The following NFASC variants were observed in gnomAD, a reference collection of about 807,000 sequenced individuals.
NFASC encodes neurofascin homolog.
Under a neutral mutation model 147.5 loss-of-function variants are expected in NFASC, and 43 were observed. The observed-to-expected ratio is 0.29, with a 90% CI of 0.23 to 0.38. NFASC has a LOEUF of 0.38. Ranked by LOEUF, NFASC falls within the 10% of genes least tolerant of loss-of-function variation. The pLI is 1.00. For synonymous variants in NFASC, 622 were observed against 665.5 expected (o/e 0.93, Z 1.01); for missense variants, 1,320 against 1,689.0 (o/e 0.78, Z 3.83).
At chr1:204,955,290 T>A (rs2094373905) in intron 7 of NFASC, among the ~76,000 whole-genome samples, 1 of 152,182 alleles carries the variant, frequency 6.6e-6, no homozygotes, top group African/African-American at 2.4e-5. Flanking sequence ...CCAAAGTGCT[T>A]AGAACAGGGC....
intron 1 of NFASC, among the ~76,000 whole-genome samples, chr1:204,839,611 C>G (rs1674719217): frequency 6.6e-6 from 1 of 150,768 alleles, no homozygotes; most frequent in South Asian, 2.1e-4. Context: ...TATGGTTGGT[C>G]AGGCAGCTTG....
rs539650301 is a variant in NFASC at position 205,012,598 on chromosome 1, A to G, written c.3422-199A>G. On this transcript the variant is annotated intron_variant, in intron 28 of 29. Transcript: ENST00000339876. ...ATGTAAAGAGACCCCTGGGGCTGAGAAGGAGGAGGCAGAGTCAACTTGGCA... is the reference window on the plus strand; with the variant it reads ...ATGTAAAGAGACCCCTGGGGCTGAGGAGGAGGAGGCAGAGTCAACTTGGCA... 4.6e-5 allele frequency among the ~76,000 whole-genome samples: 7 copies of G among 152,208 alleles called. No individual in the cohort carries two copies. The South Asian group carries it at 6.2e-4, about 14-fold the overall frequency.
intron 1 of NFASC, among the ~76,000 whole-genome samples, chr1:204,891,445 G>T (rs1336170090): frequency 6.6e-6 from 1 of 152,124 alleles, no homozygotes; most frequent in African/African-American, 2.4e-5. Flanking sequence ...TGGGATCTCT[G>T]AATAGGTCCT....
intron 2 of NFASC, among the ~76,000 whole-genome samples, chr1:204,924,396 C>G (rs2091123005): frequency 6.6e-6 from 1 of 152,204 alleles, no homozygotes; most frequent in Admixed American, 6.5e-5. Context: ...AAAAATGCAA[C>G]CGGGGATGTG....
At chr1:204,944,472 G>GGGGGGGGGGGGGGGGC in intron 3 of NFASC, 66 bp downstream of exon 3, 1 of 402,580 alleles carries the variant, frequency 2.5e-6, no homozygotes, top group Non-Finnish European at 5.0e-6. Context: ...GGAGGGGAGG[G>GGGGGGGGGGGGGGGGC]AAGGTCAGAG....
intron 3 of NFASC, among the ~76,000 whole-genome samples, chr1:204,948,264 T>C (rs2093908141): frequency 6.6e-6 from 1 of 152,240 alleles, no homozygotes; most frequent in South Asian, 2.1e-4. Context: ...TTGGTCACCC[T>C]CATCCGTACA....
intron 1 of NFASC, among the ~76,000 whole-genome samples, chr1:204,895,524 C>A (rs949394509): frequency 6.6e-6 from 1 of 152,198 alleles, no homozygotes; most frequent in Non-Finnish European, 1.5e-5. Flanking sequence ...TACTCATTCA[C>A]CCCCTGATTT....
chr1:204,955,040 A>G (rs1359486160), intron 7 of NFASC, 89 bp downstream of exon 7: 2 of 1,518,764 alleles, frequency 1.3e-6, no homozygotes, highest in East Asian at 4.5e-5. Flanking sequence ...TGCCCAAGCT[A>G]GAAGGCCTTG....
chr1:204,875,710 G>A (rs2103111252), intron 1 of NFASC, among the ~76,000 whole-genome samples: 1 of 152,182 alleles, frequency 6.6e-6, no homozygotes, highest in Admixed American at 6.5e-5. Flanking sequence ...TGGGTTCTTT[G>A]TAGGAGAAGA....
chr1:204,941,710 T>C (rs1022496899), intron 2 of NFASC, among the ~76,000 whole-genome samples: 7 of 152,154 alleles, frequency 4.6e-5, no homozygotes, highest in Non-Finnish European at 8.8e-5. Flanking sequence ...TCTTAGAGAG[T>C]TGGGAAGGTG....
At chr1:204,967,317 C>T (rs923254748) in intron 8 of NFASC, among the ~76,000 whole-genome samples, 1 of 152,174 alleles carries the variant, frequency 6.6e-6, no homozygotes, top group African/African-American at 2.4e-5. Context: ...ACCCATTCCC[C>T]TAGAGCTATA....
chr1:204,966,042 A>G (rs946848067), intron 8 of NFASC, among the ~76,000 whole-genome samples: 14 of 152,210 alleles, frequency 9.2e-5, no homozygotes, highest in Non-Finnish European at 1.9e-4. Flanking sequence ...CGTTCACTGA[A>G]TGGTGGCCCT....
chr1:205,016,535 C>T lies in NFASC; in HGVS notation c.3719C>T (p.Ala1240Val). 1 of 1,610,980 alleles carries T rather than the reference C, an allele frequency of 6.2e-7. No individual in the cohort carries two copies. Among genetic ancestry groups the T allele is most frequent in the South Asian group, 1.1e-5 (1 of 91,014 alleles). The change falls in exon 30 of 30, where the codon GCC (alanine) becomes GTC (valine). Residue 1240 changes from alanine (A) to valine (V), a missense_variant. Physicochemically the swap from Ala to Val is moderately conservative, Grantham distance 64. Coordinates refer to ENST00000339876, the MANE Select transcript of NFASC (RefSeq NM_001005388.3). The surrounding 1 kb of genome is among the most constrained non-coding windows in gnomAD (Gnocchi z 5.1). ...TSPVNAIYSLA is the reference protein window; with the variant it reads ...TSPVNAIYSLV ...CCTGTCAATGCTATCTACTCTCTGGCCTAACGGAGCCCACCCAGGCACAGC... is the reference window on the plus strand; with the variant it reads ...CCTGTCAATGCTATCTACTCTCTGGTCTAACGGAGCCCACCCAGGCACAGC...
At chr1:204,912,702 C>G (rs1207491411) in intron 1 of NFASC, among the ~76,000 whole-genome samples, 1 of 151,654 alleles carries the variant, frequency 6.6e-6, no homozygotes, top group Non-Finnish European at 1.5e-5. Context: ...GCTTCCATCT[C>G]TAAAAATTAA....
At chr1:204,947,369 G>T (rs2093816925) in intron 3 of NFASC, among the ~76,000 whole-genome samples, 1 of 152,148 alleles carries the variant, frequency 6.6e-6, no homozygotes, top group African/African-American at 2.4e-5. Context: ...TCCAGCCCTG[G>T]GCTGAAGGAA....
chr1:204,974,892 T>C, intron 14 of NFASC, 69 bp downstream of exon 14: 5 of 1,499,180 alleles, frequency 3.3e-6, no homozygotes. Context: ...GTTATCCACA[T>C]ACAATATTCA....
At chr1:205,001,499 G>A (rs2095985081) in intron 26 of NFASC, among the ~76,000 whole-genome samples, 1 of 152,182 alleles carries the variant, frequency 6.6e-6, no homozygotes, top group Admixed American at 6.5e-5. Flanking sequence ...GGCTTCTCAA[G>A]CCATTAGTGG....
Position 204,957,640 on chromosome 1 carries a change from C to G in NFASC, c.536-16C>G, listed in dbSNP as rs753153215. The G allele has an allele frequency of 1.9e-6, 3 of 1,612,988 alleles. No individual in the cohort carries two copies. Among genetic ancestry groups the G allele is most frequent in the African/African-American group, 2.7e-5 (2 of 74,890 alleles). On this transcript the variant is annotated splice_polypyrimidine_tract_variant and intron_variant, in intron 7 of 29. Transcript: ENST00000339876. ...TATTACTACTAACCTGCTGCCGTACCTCTGCTTTCTTATAGCCATGGAGCC... is the reference window on the plus strand; with the variant it reads ...TATTACTACTAACCTGCTGCCGTACGTCTGCTTTCTTATAGCCATGGAGCC...
At chr1:204,910,574 C>T (rs1312883924) in intron 1 of NFASC, among the ~76,000 whole-genome samples, 1 of 152,050 alleles carries the variant, frequency 6.6e-6, no homozygotes, top group African/African-American at 2.4e-5. Flanking sequence ...ACCCCAGACT[C>T]CTGAGTAGCT....
Sources: allele counts gnomAD v4.1 joint callset (sites outside exome capture counted in the v4.1 genomes callset), GRCh38; gene constraint gnomAD v4.1.1; non-coding constraint Gnocchi (gnomAD v3.1); transcripts MANE v1.5; gene names NCBI Gene and HGNC (gene_info 2026-07-23, HGNC 2026-07-21).